SDHC: variants seen among roughly 807,000 people sequenced by gnomAD.
SDHC encodes succinate dehydrogenase complex subunit C.
In SDHC, 11 loss-of-function variants were observed where a neutral mutation model predicts 22.6. That is an observed-to-expected ratio of 0.49 (90% CI 0.31 to 0.81). The LOEUF (loss-of-function observed/expected upper bound fraction) is 0.81. Among genes scored for constraint, SDHC ranks in the 30% least tolerant of loss-of-function variants. SDHC has a pLI of 0.05. For synonymous variants in SDHC, 80 were observed against 77.8 expected, an observed-to-expected ratio of 1.03 and a Z score of -0.15; for missense variants, 160 against 212.0, an observed-to-expected ratio of 0.75 and a Z score of 1.52.
Position 161,341,125 on chromosome 1 carries a change from C to T in SDHC, c.241+470C>T, listed in dbSNP as rs576937943. Among the ~76,000 whole-genome samples the T allele has an allele frequency of 5.3e-5, 8 of 152,338 alleles. No individual in the cohort carries two copies. In the South Asian group the frequency reaches 1.7e-3, roughly 32 times the overall value. On this transcript the variant is annotated intron_variant, in intron 4 of 5. Coordinates refer to ENST00000367975, the MANE Select transcript of SDHC (RefSeq NM_003001.5). ...AAAGTGCTGGGATTACAGACATGAG[C>T]CACTGTGCCTGGCCCAGATTAGTTT...
At chr1:161,320,611 G>A (rs1243711800) in intron 1 of SDHC, among the ~76,000 whole-genome samples, 5 of 152,042 alleles carry the variant, frequency 3.3e-5, no homozygotes, top group Admixed American at 2.6e-4. Context: ...TAAAAAGAAT[G>A]TGATGCAAAT....
intron 1 of SDHC, among the ~76,000 whole-genome samples, chr1:161,320,896 A>G (rs4400628): frequency 0.37 from 53,562 of 146,124 alleles, 10,423 homozygotes; most frequent in African/African-American, 0.52. Flanking sequence ...GCCCAATCCC[A>G]GCTCACTGCA....
At chr1:161,356,614 T>G in intron 4 of SDHC, 63 bp from the exon 5 acceptor site, 1 of 1,541,678 alleles carries the variant, frequency 6.5e-7, no homozygotes, top group Non-Finnish European at 9.0e-7. Flanking sequence ...GGTCCCAGTT[T>G]TATGTATCAT....
chr1:161,332,937 TTAGAATGTTTTC>T (rs1169471772), intron 3 of SDHC, among the ~76,000 whole-genome samples: 12 of 152,288 alleles, frequency 7.9e-5, no homozygotes, highest in African/African-American at 2.9e-4. Context: ...CCAGCCAATT[TTAGAATGTTTTC>T]ATCACTCCAG....
intron 5 of SDHC, among the ~76,000 whole-genome samples, chr1:161,359,858 T>A (rs928145624): frequency 1.1e-4 from 17 of 152,154 alleles, no homozygotes; most frequent in African/African-American, 3.9e-4. Context: ...TTATAGGGTC[T>A]GTGGCATTCT....
At chr1:161,344,261 G>A (rs1336832396) in intron 4 of SDHC, among the ~76,000 whole-genome samples, 4 of 152,158 alleles carry the variant, frequency 2.6e-5, no homozygotes, top group Non-Finnish European at 5.9e-5. Context: ...CTGCACTCCA[G>A]CCTGGGAGAC....
intron 3 of SDHC, among the ~76,000 whole-genome samples, chr1:161,338,890 C>G (rs1034056301): frequency 6.6e-6 from 1 of 152,100 alleles, no homozygotes; most frequent in Non-Finnish European, 1.5e-5. Context: ...CCTCTGTCGC[C>G]CAGACTGGAG....
At chr1:161,332,531 G>A (rs181541009) in intron 3 of SDHC, among the ~76,000 whole-genome samples, 197 of 151,922 alleles carry the variant, frequency 1.3e-3, no homozygotes, top group African/African-American at 4.2e-3. Context: ...AATACAATTT[G>A]TATACCATAC....
chr1:161,346,084 C>G lies in SDHC; in HGVS notation c.241+5429C>G, dbSNP rs148191671. Among the ~76,000 whole-genome samples, 303 of 152,272 alleles carry G rather than the reference C, an allele frequency of 2.0e-3. 1 individual carries two copies. The highest frequency in any genetic ancestry group is 6.9e-3 in the African/African-American group (288 of 41,572). Reference sequence around the variant, plus strand: ...CCTCCCAAAGTGTTGGGATTACAGGCGTGAGCCACCACGCCCAGCCAAATC... The same window carrying G: ...CCTCCCAAAGTGTTGGGATTACAGGGGTGAGCCACCACGCCCAGCCAAATC... On this transcript the variant is annotated intron_variant, in intron 4 of 5. Transcript: ENST00000367975.
chr1:161,336,969 A>G (rs1671511264), intron 3 of SDHC, among the ~76,000 whole-genome samples: 2 of 151,844 alleles, frequency 1.3e-5, no homozygotes, highest in Non-Finnish European at 2.9e-5. Flanking sequence ...TCCCGGGCTC[A>G]GGCAATCCTC....
intron 3 of SDHC, among the ~76,000 whole-genome samples, chr1:161,329,408 C>T (rs1050879146): frequency 6.6e-5 from 10 of 152,018 alleles, no homozygotes; most frequent in South Asian, 4.2e-4. Context: ...CTAGGCCCAC[C>T]GCAACCCCTA....
chr1:161,318,002 T>G (rs986881753), intron 1 of SDHC, among the ~76,000 whole-genome samples: 8 of 151,784 alleles, frequency 5.3e-5, no homozygotes, highest in African/African-American at 1.9e-4. Context: ...TGAAACCCCA[T>G]CTCTACTAAA....
At chr1:161,317,550 G>GTTTT (rs34457815) in intron 1 of SDHC, among the ~76,000 whole-genome samples, 4 of 59,896 alleles carry the variant, frequency 6.7e-5, no homozygotes, top group Non-Finnish European at 1.2e-4. Flanking sequence ...TGTGTGTGTG[G>GTTTT]TTTTTTTTTT....
At chr1:161,346,701 A>G (rs1671911770) in intron 4 of SDHC, among the ~76,000 whole-genome samples, 1 of 151,990 alleles carries the variant, frequency 6.6e-6, no homozygotes, top group Non-Finnish European at 1.5e-5. Context: ...CCCGGCCATG[A>G]TAGCTTTTTA....
At chr1:161,355,594 G>A (rs1000596617) in intron 4 of SDHC, among the ~76,000 whole-genome samples, 24 of 151,962 alleles carry the variant, frequency 1.6e-4, no homozygotes, top group African/African-American at 5.8e-4. Flanking sequence ...CTAGCATTTA[G>A]GTCTCTAATT....
intron 3 of SDHC, among the ~76,000 whole-genome samples, chr1:161,333,427 A>G (rs2102319216): frequency 6.9e-6 from 1 of 144,536 alleles, no homozygotes; most frequent in Admixed American, 7.0e-5. Flanking sequence ...TTTTTTAAAG[A>G]CGGAGTCTCG....
intron 3 of SDHC, among the ~76,000 whole-genome samples, chr1:161,330,664 T>C (rs1253860281): frequency 6.6e-6 from 1 of 152,188 alleles, no homozygotes; most frequent in Non-Finnish European, 1.5e-5. Context: ...CTGTCACTTT[T>C]AGTCTATGCT....
chr1:161,316,035 C>A (rs1471382239), intron 1 of SDHC, among the ~76,000 whole-genome samples: 1 of 152,192 alleles, frequency 6.6e-6, no homozygotes, highest in East Asian at 1.9e-4. Flanking sequence ...CCTTGAAGAG[C>A]AGTATTGCTG....
intron 2 of SDHC, chr1:161,326,673 T>A (rs1425269037): frequency 6.6e-6 from 1 of 150,882 alleles, no homozygotes; most frequent in Admixed American, 6.6e-5. Context: ...TCGACCAGGC[T>A]GGAGTGTAGT....
Sources: allele counts gnomAD v4.1 joint callset (sites outside exome capture counted in the v4.1 genomes callset), GRCh38; gene constraint gnomAD v4.1.1; transcripts MANE v1.5; gene names NCBI Gene and HGNC (gene_info 2026-07-23, HGNC 2026-07-21).